The following CSMD1 variants were observed in gnomAD, a reference collection of about 807,000 sequenced individuals.
CSMD1 encodes the protein CUB and Sushi multiple domains 1, also known as CUB and sushi domain-containing protein 1.
A neutral mutation model predicts 417.5 loss-of-function variants in CSMD1; 213 were observed. The observed-to-expected ratio is 0.51, with a 90% CI of 0.46 to 0.57. The LOEUF is 0.57. Among genes scored for constraint, CSMD1 ranks in the 20% least tolerant of loss-of-function variants. The pLI, the probability that CSMD1 is intolerant of heterozygous loss-of-function variation, is 0.00. For missense variants in CSMD1, 6,923 were observed against 4,529.7 expected (o/e 1.53, Z -15.17); for synonymous variants, 2,862 against 1,736.8 (o/e 1.65, Z -16.11).
chr8:3,406,015 C>T lies in CSMD1; in HGVS notation c.2266+12G>A. Reference sequence around the variant, plus strand: ...TTCAAAGGAGAAGAGCGGGGGGTGGCAGGGACTGCACCTTCACAGCGGGGC... The same window carrying T: ...TTCAAAGGAGAAGAGCGGGGGGTGGTAGGGACTGCACCTTCACAGCGGGGC... On this transcript the variant is annotated intron_variant, in intron 15 of 69. Transcript: ENST00000635120. 2.5e-6 allele frequency: 4 copies of T among 1,610,640 alleles called. No individual in the cohort carries two copies. Among genetic ancestry groups the T allele is most frequent in the Non-Finnish European group, 3.4e-6 (4 of 1,178,226 alleles).
intron 1 of CSMD1, among the ~76,000 whole-genome samples, chr8:4,689,323 A>G (rs1453106026): frequency 6.6e-6 from 1 of 152,216 alleles, no homozygotes; most frequent in Admixed American, 6.5e-5. Context: ...TGCTAGTCAA[A>G]TACTTGATCT....
At chr8:3,695,150 G>A (rs1800480224) in intron 7 of CSMD1, among the ~76,000 whole-genome samples, 1 of 147,602 alleles carries the variant, frequency 6.8e-6, no homozygotes, top group Non-Finnish European at 1.5e-5. Flanking sequence ...GGATATTGCA[G>A]GAGCACAGGG....
chr8:4,223,040 G>A (rs191524713), intron 3 of CSMD1, among the ~76,000 whole-genome samples: 2 of 151,942 alleles, frequency 1.3e-5, no homozygotes, highest in Admixed American at 1.3e-4. Flanking sequence ...ACTGACAACA[G>A]GCTTCCTACA....
At chr8:4,377,731 C>G (rs553613884) in intron 3 of CSMD1, among the ~76,000 whole-genome samples, 1 of 152,170 alleles carries the variant, frequency 6.6e-6, no homozygotes, top group African/African-American at 2.4e-5. Context: ...ATACTTCTTA[C>G]TCTGCCCATA....
At chr8:2,959,633 G>C (rs1037538526) in intron 62 of CSMD1, among the ~76,000 whole-genome samples, 1 of 152,076 alleles carries the variant, frequency 6.6e-6, no homozygotes, top group African/African-American at 2.4e-5. Flanking sequence ...ACGGGTTTCG[G>C]GGACACGCTG....
At chr8:3,716,282 T>G (rs563516929) in intron 6 of CSMD1, among the ~76,000 whole-genome samples, 2 of 152,262 alleles carry the variant, frequency 1.3e-5, no homozygotes, top group South Asian at 4.1e-4. Context: ...AAAACAGAAT[T>G]CAGTGGGAGT....
At chr8:3,878,967 A>G (rs1179585219) in intron 5 of CSMD1, among the ~76,000 whole-genome samples, 1 of 152,198 alleles carries the variant, frequency 6.6e-6, no homozygotes, top group Non-Finnish European at 1.5e-5. Flanking sequence ...TTTTAAAATC[A>G]TGATGCAAGC....
chr8:3,953,219 A>G (rs928292351), intron 5 of CSMD1, among the ~76,000 whole-genome samples: 14 of 152,180 alleles, frequency 9.2e-5, no homozygotes, highest in Non-Finnish European at 1.8e-4. Flanking sequence ...TAGGATTAAA[A>G]TCAAGAAAAT....
chr8:4,444,819 A>C (rs973106459), intron 2 of CSMD1, among the ~76,000 whole-genome samples: 1 of 152,204 alleles, frequency 6.6e-6, no homozygotes, highest in Non-Finnish European at 1.5e-5. Flanking sequence ...TTGTGACCTC[A>C]GCCACAAGCC....
intron 1 of CSMD1, among the ~76,000 whole-genome samples, chr8:4,914,829 C>T (rs1805943162): frequency 6.6e-6 from 1 of 152,186 alleles, no homozygotes; most frequent in African/African-American, 2.4e-5. Flanking sequence ...GGCCTGTGGA[C>T]ATCAGGGAGT....
intron 10 of CSMD1, among the ~76,000 whole-genome samples, chr8:3,518,473 G>C (rs1442016455): frequency 6.6e-6 from 1 of 152,112 alleles, no homozygotes; most frequent in Non-Finnish European, 1.5e-5. Context: ...TATTGCTTTT[G>C]TAAAATCTCA....
intron 1 of CSMD1, among the ~76,000 whole-genome samples, chr8:4,747,132 G>A (rs1363231087): frequency 6.6e-6 from 1 of 152,162 alleles, no homozygotes; most frequent in Non-Finnish European, 1.5e-5. Context: ...CTCCTAAGAG[G>A]TTGAAGAGAT....
At chr8:3,162,727 A>G (rs1176627828) in intron 37 of CSMD1, among the ~76,000 whole-genome samples, 3 of 152,018 alleles carry the variant, frequency 2.0e-5, no homozygotes, top group African/African-American at 4.8e-5. Context: ...CAAAAAAAAA[A>G]AAGAGAAAAA....
At chr8:3,110,769 A>G (rs1816460386) in intron 42 of CSMD1, among the ~76,000 whole-genome samples, 1 of 152,186 alleles carries the variant, frequency 6.6e-6, no homozygotes, top group African/African-American at 2.4e-5. Context: ...ATCTAAGTCT[A>G]CTTGCCTTAA....
At chr8:4,777,826 A>C (rs1163164157) in intron 1 of CSMD1, among the ~76,000 whole-genome samples, 1 of 152,244 alleles carries the variant, frequency 6.6e-6, no homozygotes, top group Non-Finnish European at 1.5e-5. Context: ...CAGACTTCAC[A>C]TCTACAAATC....
chr8:4,813,559 G>T (rs376030628), intron 1 of CSMD1, among the ~76,000 whole-genome samples: 1 of 152,114 alleles, frequency 6.6e-6, no homozygotes, highest in Non-Finnish European at 1.5e-5. Context: ...CTTTCCAGAA[G>T]CCCTAGAGAA....
chr8:3,384,184 A>C (rs1264854525), intron 18 of CSMD1, among the ~76,000 whole-genome samples: 2 of 152,182 alleles, frequency 1.3e-5, no homozygotes, highest in Non-Finnish European at 2.9e-5. Flanking sequence ...TTGTAGAAAT[A>C]AATAAATATG....
At chr8:4,659,741 A>C (rs888115178) in intron 1 of CSMD1, among the ~76,000 whole-genome samples, 1 of 152,164 alleles carries the variant, frequency 6.6e-6, no homozygotes, top group Admixed American at 6.6e-5. Context: ...CAACATTGTG[A>C]ATGTACTGAC....
At chr8:4,295,227 AG>A (rs1449503135) in intron 3 of CSMD1, among the ~76,000 whole-genome samples, 1,226 of 63,428 alleles carry the variant, frequency 0.019, 40 homozygotes, top group Non-Finnish European at 0.03. Flanking sequence ...TATAATCTTA[AG>A]ATTATATGCA....
Sources: allele counts gnomAD v4.1 joint callset (sites outside exome capture counted in the v4.1 genomes callset), GRCh38; gene constraint gnomAD v4.1.1; transcripts MANE v1.5; gene names NCBI Gene and HGNC (gene_info 2026-07-23, HGNC 2026-07-21).